Variants in SMO observed in about 807,000 individuals in gnomAD.
The protein encoded by SMO is protein smoothened.
Under a neutral mutation model 81.6 loss-of-function variants are expected in SMO, and 40 were observed. The ratio of observed to expected loss-of-function variants is 0.49; its 90% CI spans 0.38 to 0.64. SMO has a LOEUF of 0.64. Ranked by LOEUF, SMO falls within the 30% of genes least tolerant of loss-of-function variation. The pLI, the probability that SMO is intolerant of heterozygous loss-of-function variation, is 0.00. For synonymous variants in SMO, 434 were observed against 432.1 expected (o/e 1.00, Z -0.05); for missense variants, 916 against 1,061.1 (o/e 0.86, Z 1.90).
At chr7:129,194,262 C>T (rs1247305874) in intron 1 of SMO, among the ~76,000 whole-genome samples, 1 of 151,782 alleles carries the variant, frequency 6.6e-6, no homozygotes, top group African/African-American at 2.4e-5. Flanking sequence ...TGCTGTGTTG[C>T]CCAGGCTGGA....
chr7:129,205,084 A>G, intron 2 of SMO, 119 bp from the exon 3 acceptor site: 4 of 802,764 alleles, frequency 5.0e-6, no homozygotes, highest in Non-Finnish European at 8.4e-6. Flanking sequence ...CAGCCCTGGG[A>G]TTCAGGTCCT....
At position 129,209,296 on chromosome 7, in the gene SMO, T is replaced by A; in HGVS notation, c.1365T>A (p.Phe455Leu). The A allele has an allele frequency of 6.2e-7, 1 of 1,611,488 alleles. No individual in the cohort carries two copies. Among genetic ancestry groups the A allele is most frequent in the South Asian group, 1.1e-5 (1 of 91,026 alleles). Reference protein sequence around the residue: ...INETMLRLGIFGFLAFGFVLI... With the variant: ...INETMLRLGILGFLAFGFVLI... ...TGCCCCTGTCCTCCACAGGCATTTT[T>A]GGCTTCCTGGCCTTTGGCTTTGTGC... Residue 455 changes from phenylalanine to leucine, a missense_variant, in exon 8 of 12, where the codon TTT (phenylalanine) becomes TTA (leucine). Phe to Leu is a conservative substitution (Grantham distance 22). Transcript: ENST00000249373.
chr7:129,193,644 A>G (rs1309076304), intron 1 of SMO, among the ~76,000 whole-genome samples: 1 of 148,000 alleles, frequency 6.8e-6, no homozygotes, highest in Non-Finnish European at 1.5e-5. Context: ...CTGTAGTCCC[A>G]GCTGCTTGGG....
rs2150654905 is a variant in SMO at position 129,211,120 on chromosome 7, C to T, written c.1801+7C>T. On this transcript the variant is annotated splice_region_variant and intron_variant, in intron 10 of 11. Transcript: ENST00000249373. The surrounding 1 kb of genome is among the most constrained non-coding windows in gnomAD (Gnocchi z 4.6). Reference sequence around the variant, plus strand: ...TCCCACGACGGGCCCGTGGGTGAGCCTCACCCCTCCTCTACCGGAGCCGCC... The same window carrying T: ...TCCCACGACGGGCCCGTGGGTGAGCTTCACCCCTCCTCTACCGGAGCCGCC... 6.3e-7 allele frequency: 1 copy of T among 1,597,326 alleles called. No individual in the cohort carries two copies. The highest frequency in any genetic ancestry group is 2.2e-5 in the East Asian group (1 of 44,686).
rs587778687 is a variant in SMO, at chr7:129,189,250, C to A, written c.99C>A (p.Ser33Arg). Residue 33 changes from serine to arginine, a missense_variant, in exon 1 of 12, where the codon AGC becomes AGA. Around this residue, in one of 4 missense-constraint regions of SMO, gnomAD observed 146 missense variants for 149.9 expected, o/e 0.97. Coordinates refer to ENST00000249373, the MANE Select transcript of SMO (RefSeq NM_005631.5). This position sits in a 1 kb window ranked among gnomAD's most constrained non-coding sequence, Gnocchi z 4.7. ...ACCCGGGCCGGGGGGCGGCCTCGAG[C>A]GGGAACGCGACCGGGCCTGGGCCTC... is the stretch of plus-strand genomic sequence containing the variant. ...LGDPGRGAAS[S>R]GNATGPGPRS... 288 of 1,223,170 alleles carry A rather than the reference C, an allele frequency of 2.4e-4. No homozygotes were observed. Among genetic ancestry groups the A allele is most frequent in the Non-Finnish European group, 2.8e-4 (271 of 978,286 alleles). The allele number at this position is 1,223,170 out of a possible 1,614,324, so 75.8% of individuals were successfully genotyped here.
In SMO at chr7:129,211,908, C is replaced by A. The variant is rs1426034385; in HGVS notation, c.1937-116C>A. On this transcript the variant is annotated intron_variant, in intron 11 of 11. Transcript: ENST00000249373. This position sits in a 1 kb window ranked among gnomAD's most constrained non-coding sequence, Gnocchi z 4.6. Reference sequence around the variant, plus strand: ...GAGGATCTGAAGAGTGGGGCTGAGGCTCTAAGAGTCTAGAGACCTGGGCCC... The same window carrying A: ...GAGGATCTGAAGAGTGGGGCTGAGGATCTAAGAGTCTAGAGACCTGGGCCC... The A allele has an allele frequency of 5.0e-6, 7 of 1,405,812 alleles. No homozygotes were observed. Among genetic ancestry groups the A allele is most frequent in the Non-Finnish European group, 6.8e-6 (7 of 1,028,268 alleles). 87.1% of individuals were successfully genotyped at this position (1,405,812 alleles called of 1,614,324 possible).
At chr7:129,200,246 T>C (rs1793648609) in intron 1 of SMO, among the ~76,000 whole-genome samples, 1 of 151,706 alleles carries the variant, frequency 6.6e-6, no homozygotes, top group Admixed American at 6.6e-5. Flanking sequence ...TGAACCCCCG[T>C]CTCTACTAAA....
Position 129,211,267 on chromosome 7 carries a change from G to A in SMO, c.1801+154G>A, listed in dbSNP as rs552740746. The A allele has an allele frequency of 1.3e-5, 11 of 858,040 alleles. No individual in the cohort carries two copies. The highest frequency in any genetic ancestry group is 1.5e-5 in the Non-Finnish European group (8 of 531,372). 53.2% of individuals were successfully genotyped at this position (858,040 alleles called of 1,614,324 possible). A position where few individuals can be genotyped will look rare whatever the true frequency, so the allele number is the denominator to read the frequency against. Reference sequence around the variant, plus strand: ...TCGCTCACACACCCATTCTTCCCCCGGCCCCTCCTACCCTCTGGGGGGCTC... The same window carrying A: ...TCGCTCACACACCCATTCTTCCCCCAGCCCCTCCTACCCTCTGGGGGGCTC... On this transcript the variant is annotated intron_variant, in intron 10 of 11. Coordinates refer to ENST00000249373, the MANE Select transcript of SMO (RefSeq NM_005631.5). This position sits in a 1 kb window ranked among gnomAD's most constrained non-coding sequence, Gnocchi z 4.6.
chr7:129,207,182 C>A (rs1317851448), intron 6 of SMO, among the ~76,000 whole-genome samples: 1 of 152,136 alleles, frequency 6.6e-6, no homozygotes, highest in Non-Finnish European at 1.5e-5. Flanking sequence ...GGATCCAGCC[C>A]CAGTCAGCTC....
intron 3 of SMO, 93 bp from the exon 4 acceptor site, chr7:129,205,517 G>A (rs1158067915): frequency 1.3e-6 from 2 of 1,518,496 alleles, no homozygotes; most frequent in Non-Finnish European, 1.8e-6. Flanking sequence ...CCCAGGGAAG[G>A]GTCATGATCA....
chr7:129,206,554 G>A lies in SMO; in HGVS notation c.1231G>A (p.Val411Met), dbSNP rs1270338441. 1.9e-6 allele frequency: 3 copies of A among 1,614,208 alleles called. No individual in the cohort carries two copies. In the South Asian group the frequency reaches 3.3e-5, roughly 18 times the overall value. Reference sequence around the variant, plus strand: ...CTTCGTGCTGGCCCCAATCGGCCTGGTGCTCATCGTGGGAGGCTACTTCCT... The same window carrying A: ...CTTCGTGCTGGCCCCAATCGGCCTGATGCTCATCGTGGGAGGCTACTTCCT... ...AGFVLAPIGLVLIVGGYFLIR... is the reference protein window; with the variant it reads ...AGFVLAPIGLMLIVGGYFLIR... Residue 411 changes from valine (V) to methionine (M), a missense_variant, in exon 6 of 12, where the codon GTG becomes ATG. By Grantham distance (21) the Val-to-Met change is conservative. Around this residue, in one of 4 missense-constraint regions of SMO, gnomAD observed 436 missense variants for 570.9 expected, o/e 0.76. Coordinates refer to ENST00000249373, the MANE Select transcript of SMO (RefSeq NM_005631.5). This position sits in a 1 kb window ranked among gnomAD's most constrained non-coding sequence, Gnocchi z 4.4.
At chr7:129,190,124 C>T (rs1157953054) in intron 1 of SMO, among the ~76,000 whole-genome samples, 1 of 152,124 alleles carries the variant, frequency 6.6e-6, no homozygotes, top group Non-Finnish European at 1.5e-5. Flanking sequence ...GGCCCTCTGA[C>T]GCATGCAGGA....
At position 129,189,305 on chromosome 7, in the gene SMO, G is replaced by T. The variant is rs1442736557; in HGVS notation, c.154G>T (p.Ala52Ser). 11 of 1,469,990 alleles carry T rather than the reference G, an allele frequency of 7.5e-6. No homozygotes were observed. The highest frequency in any genetic ancestry group is 1.5e-5 in the African/African-American group (1 of 67,924). 91.1% of individuals were successfully genotyped at this position (1,469,990 alleles called of 1,614,324 possible). A position where few individuals can be genotyped will look rare whatever the true frequency, so the allele number is the denominator to read the frequency against. Residue 52 changes from alanine to serine, a missense_variant, in exon 1 of 12, where the codon GCG (alanine) becomes TCG (serine). Ala to Ser is a moderately conservative substitution (Grantham distance 99). This residue lies in a region of SMO where 146 missense variants were observed against 149.9 expected (regional missense o/e 0.97). Coordinates refer to ENST00000249373, the MANE Select transcript of SMO (RefSeq NM_005631.5). This position sits in a 1 kb window ranked among gnomAD's most constrained non-coding sequence, Gnocchi z 4.7. ...RSAGGSARRS[A>S]AVTGPPPPLS... ...CGCGGGCGGGAGCGCGAGGAGGAGC[G>T]CGGCGGTGACTGGCCCTCCGCCGCC...
At position 129,189,631 on chromosome 7, in the gene SMO, G is replaced by T; in HGVS notation, c.331+149G>T. 1 of 864,262 alleles carries T rather than the reference G, an allele frequency of 1.2e-6. No individual in the cohort carries two copies. The highest frequency in any genetic ancestry group is 1.7e-5 in the South Asian group (1 of 57,760). The allele number at this position is 864,262 out of a possible 1,614,324, so 53.5% of individuals were successfully genotyped here. ...AGGGACAGATCCCGAAACTTTGGGG[G>T]CAGGTTACGTGCAGGATGGGACCCT... On this transcript the variant is annotated intron_variant, in intron 1 of 11. Transcript: ENST00000249373. This position sits in a 1 kb window ranked among gnomAD's most constrained non-coding sequence, Gnocchi z 4.7.
chr7:129,189,631 GC>G lies in SMO; in HGVS notation c.331+150del. 2.3e-6 allele frequency: 2 copies of G among 864,262 alleles called. No individual in the cohort carries two copies. The highest frequency in any genetic ancestry group is 3.5e-6 in the Non-Finnish European group (2 of 575,218). 53.5% of individuals were successfully genotyped at this position (864,262 alleles called of 1,614,324 possible). A position where few individuals can be genotyped will look rare whatever the true frequency, so the allele number is the denominator to read the frequency against. On this transcript the variant is annotated intron_variant, in intron 1 of 11. Coordinates refer to ENST00000249373, the MANE Select transcript of SMO (RefSeq NM_005631.5). The surrounding 1 kb of genome is among the most constrained non-coding windows in gnomAD (Gnocchi z 4.7). ...AGGGACAGATCCCGAAACTTTGGGG[GC>G]AGGTTACGTGCAGGATGGGACCCTC...
chr7:129,212,889 G>A lies in SMO; in HGVS notation c.*438G>A, dbSNP rs1050429645. On this transcript the variant is annotated 3_prime_UTR_variant, in exon 12 of 12. Transcript: ENST00000249373. This position sits in a 1 kb window ranked among gnomAD's most constrained non-coding sequence, Gnocchi z 5.0. ...TCTGGGCTGATGGGTGCCCTTTCCTGGCAGTCTCAGTCCAAAAGTGTTGAC... is the reference window on the plus strand; with the variant it reads ...TCTGGGCTGATGGGTGCCCTTTCCTAGCAGTCTCAGTCCAAAAGTGTTGAC... The A allele has an allele frequency of 1.7e-4, 47 of 281,600 alleles. No individual in the cohort carries two copies. In the East Asian group the frequency reaches 2.4e-3, roughly 15 times the overall value. The allele number at this position is 281,600 out of a possible 1,614,324, so 17.4% of individuals were successfully genotyped here.
rs1793759375 is a variant in SMO at position 129,206,015 on chromosome 7, T to C, written c.921-135T>C. On this transcript the variant is annotated intron_variant, in intron 4 of 11. Transcript: ENST00000249373. The surrounding 1 kb of genome is among the most constrained non-coding windows in gnomAD (Gnocchi z 4.4). Reference sequence around the variant, plus strand: ...TCCTAGAGCCTCCTCAGATCTGACCTGGGTCCTGTCTCCAAGCCCTGACTT... The same window carrying C: ...TCCTAGAGCCTCCTCAGATCTGACCCGGGTCCTGTCTCCAAGCCCTGACTT... The C allele has an allele frequency of 3.6e-6, 3 of 826,884 alleles. No individual in the cohort carries two copies. The Admixed American group carries it at 7.4e-5, about 20-fold the overall frequency. 51.2% of individuals were successfully genotyped at this position (826,884 alleles called of 1,614,324 possible).
chr7:129,207,336 TC>T (rs1316694612), intron 6 of SMO, among the ~76,000 whole-genome samples: 2 of 152,148 alleles, frequency 1.3e-5, no homozygotes, highest in African/African-American at 4.8e-5. Context: ...CTTCTTTCTG[TC>T]CCCGGCACAC....
rs1061283 is a variant in SMO at position 129,213,462 on chromosome 7, T to G, written c.*1011T>G. 6,274 of 232,646 alleles carry G rather than the reference T, an allele frequency of 0.027. 118 individuals are homozygous for G. The highest frequency in any genetic ancestry group is 0.062 in the Admixed American group (1,106 of 17,734). The allele number at this position is 232,646 out of a possible 1,614,324, so 14.4% of individuals were successfully genotyped here. Reference sequence around the variant, plus strand: ...GTTCCCAAGGCCCCACTTTCAAGAATCAGACAGCAGGAAGCCATAGATGCT... The same window carrying G: ...GTTCCCAAGGCCCCACTTTCAAGAAGCAGACAGCAGGAAGCCATAGATGCT... On this transcript the variant is annotated 3_prime_UTR_variant, in exon 12 of 12. Transcript: ENST00000249373.
Sources: gnomAD v4.1 joint callset for allele counts (sites outside exome capture counted in the v4.1 genomes callset) on GRCh38, gnomAD v4.1.1 for gene constraint, gnomAD v4.1.1 regional missense constraint, Gnocchi (gnomAD v3.1) non-coding constraint, MANE v1.5 for transcripts, NCBI Gene and HGNC (gene_info 2026-07-23, HGNC 2026-07-21) for gene names.